Variants in RARB observed in about 807,000 individuals in gnomAD.
The protein encoded by RARB is retinoic acid receptor beta, also known as HBV-activated protein.
In RARB, 17 loss-of-function variants were observed where a neutral mutation model predicts 51.9. That is an observed-to-expected ratio of 0.33 (90% confidence interval 0.22 to 0.49). RARB has a LOEUF of 0.49. RARB is among the 20% of genes least tolerant of loss of function. RARB has a pLI of 0.99. For synonymous variants in RARB, 215 were observed against 195.4 expected (o/e 1.10, Z -0.84); for missense variants, 369 against 550.8 (o/e 0.67, Z 3.30).
chr3:25,284,208 A>C (rs575746993), intron 5 of RARB, among the ~76,000 whole-genome samples: 1 of 152,150 alleles, frequency 6.6e-6, no homozygotes, highest in Non-Finnish European at 1.5e-5. Flanking sequence ...TCCTGCAAAG[A>C]AACAGCTTGG....
Position 25,597,859 on chromosome 3 carries a change from C to A in RARB, c.*1243C>A, listed in dbSNP as rs528105037. 1.3e-5 allele frequency: 2 copies of A among 152,410 alleles called. No individual in the cohort carries two copies. The highest frequency in any genetic ancestry group is 4.8e-5 in the African/African-American group (2 of 41,306). The allele number at this position is 152,410 out of a possible 1,614,324, so 9.4% of individuals were successfully genotyped here. A position where few individuals can be genotyped will look rare whatever the true frequency, so the allele number is the denominator to read the frequency against. On this transcript the variant is annotated 3_prime_UTR_variant, in exon 8 of 8. Coordinates refer to ENST00000330688, the MANE Select transcript of RARB (RefSeq NM_000965.5). ...CATTGAGATTGTTTGTTTAACAATG[C>A]TTTCTATGTTCATATACTGTTTACC...
At chr3:25,388,687 G>A (rs1252717285) in intron 5 of RARB, among the ~76,000 whole-genome samples, 2 of 152,198 alleles carry the variant, frequency 1.3e-5, no homozygotes, top group Non-Finnish European at 1.5e-5. Flanking sequence ...ACAATTCACA[G>A]AGAGCTTAGC....
chr3:25,397,066 A>G lies in RARB; in HGVS notation c.179-64127A>G, dbSNP rs150378399. On this transcript the variant is annotated intron_variant, in intron 5 of 11. Transcript: ENST00000383772. ...CCATTCACTGCCCCCGCAACCTCAG[A>G]TTCTGCCCAGGAAGTTGAAATTATT... is the stretch of plus-strand genomic sequence containing the variant. Among the ~76,000 whole-genome samples, 677 of 152,254 alleles carry G rather than the reference A, an allele frequency of 4.4e-3. 3 individuals carry two copies. Among genetic ancestry groups the G allele is most frequent in the Non-Finnish European group, 5.8e-3 (396 of 68,012 alleles).
At chr3:25,494,059 C>A (rs181982139) in intron 2 of RARB, among the ~76,000 whole-genome samples, 27 of 152,256 alleles carry the variant, frequency 1.8e-4, no homozygotes, top group Non-Finnish European at 3.4e-4. Context: ...ATACCCAGAG[C>A]TCAATATCTA....
At chr3:24,931,860 G>A (rs1695447012) in intron 2 of RARB, among the ~76,000 whole-genome samples, 1 of 152,108 alleles carries the variant, frequency 6.6e-6, no homozygotes, top group Non-Finnish European at 1.5e-5. Flanking sequence ...AGTTATTTGT[G>A]TTCACAAGGC....
chr3:25,403,188 C>T (rs1032090156), intron 5 of RARB, among the ~76,000 whole-genome samples: 2 of 150,486 alleles, frequency 1.3e-5, no homozygotes, highest in Non-Finnish European at 3.0e-5. Context: ...ATGAGTGAGA[C>T]CTAGTATTTG....
chr3:25,115,669 C>T (rs531553833), intron 3 of RARB, among the ~76,000 whole-genome samples: 2 of 141,748 alleles, frequency 1.4e-5, no homozygotes, highest in East Asian at 2.1e-4. Flanking sequence ...CTTTCCTTTC[C>T]TTTCCTCTTT....
At chr3:25,388,917 G>A (rs1706870407) in intron 5 of RARB, among the ~76,000 whole-genome samples, 1 of 152,142 alleles carries the variant, frequency 6.6e-6, no homozygotes, top group Non-Finnish European at 1.5e-5. Context: ...AGAGGAGAGA[G>A]ATTTATGATT....
At chr3:25,488,611 C>T (rs1016735760) in intron 2 of RARB, among the ~76,000 whole-genome samples, 4 of 152,194 alleles carry the variant, frequency 2.6e-5, no homozygotes, top group Non-Finnish European at 5.9e-5. Flanking sequence ...CATCAGGGAC[C>T]ACCATCCGTT....
intron 2 of RARB, among the ~76,000 whole-genome samples, chr3:25,037,054 C>A (rs957649726): frequency 1.3e-5 from 2 of 152,156 alleles, no homozygotes; most frequent in East Asian, 1.9e-4. Flanking sequence ...CTCAAACTTG[C>A]ATGAACTCTT....
At chr3:24,878,184 T>C (rs575414328) in intron 2 of RARB, among the ~76,000 whole-genome samples, 3 of 148,272 alleles carry the variant, frequency 2.0e-5, no homozygotes, top group East Asian at 2.0e-4. Context: ...TCAAGTCTCT[T>C]TTGCCTATAT....
chr3:25,044,502 G>A (rs1698175592), intron 2 of RARB, among the ~76,000 whole-genome samples: 1 of 152,080 alleles, frequency 6.6e-6, no homozygotes, highest in South Asian at 2.1e-4. Context: ...ACAAATCCTC[G>A]AGTTCTCACT....
intron 2 of RARB, among the ~76,000 whole-genome samples, chr3:25,471,294 C>T (rs1432983908): frequency 6.6e-6 from 1 of 152,042 alleles, no homozygotes; most frequent in Non-Finnish European, 1.5e-5. Context: ...AGAACTAGTG[C>T]CTGGAATGAT....
intron 4 of RARB, among the ~76,000 whole-genome samples, chr3:25,172,109 G>T (rs1006403230): frequency 6.6e-6 from 1 of 152,094 alleles, no homozygotes; most frequent in Admixed American, 6.5e-5. Context: ...AGTACTAGGG[G>T]GCCTGGGACC....
intron 2 of RARB, among the ~76,000 whole-genome samples, chr3:24,908,854 TC>T (rs1304143040): frequency 6.6e-6 from 1 of 152,158 alleles, no homozygotes; most frequent in East Asian, 1.9e-4. Context: ...TTAAATTTTT[TC>T]CCCAGTTTCC....
intron 4 of RARB, among the ~76,000 whole-genome samples, chr3:25,166,258 G>C (rs1700558832): frequency 6.6e-6 from 1 of 152,200 alleles, no homozygotes; most frequent in Non-Finnish European, 1.5e-5. Context: ...TATACGAGAG[G>C]TTGCAAAACC....
chr3:24,880,006 G>C (rs4858658), intron 2 of RARB, among the ~76,000 whole-genome samples: 2 of 151,656 alleles, frequency 1.3e-5, no homozygotes, highest in East Asian at 1.9e-4. Context: ...GCCCCTAATA[G>C]TCAAAGACAT....
chr3:25,093,414 A>C (rs537490022), intron 3 of RARB, among the ~76,000 whole-genome samples: 3 of 152,310 alleles, frequency 2.0e-5, no homozygotes, highest in East Asian at 3.9e-4. Flanking sequence ...TTTAGCCTCC[A>C]AAATGCCCTT....
At chr3:25,324,514 C>G (rs903028679) in intron 5 of RARB, 2 of 159,176 alleles carry the variant, frequency 1.3e-5, no homozygotes, top group Admixed American at 1.3e-4. Context: ...ATGATCTATG[C>G]CAACTCCAAG....
Sources: gnomAD v4.1 joint callset for allele counts (sites outside exome capture counted in the v4.1 genomes callset) on GRCh38, gnomAD v4.1.1 for gene constraint, MANE v1.5 for transcripts, NCBI Gene and HGNC (gene_info 2026-07-23, HGNC 2026-07-21) for gene names.